The following HDAC4 variants were observed in gnomAD, a reference collection of about 807,000 sequenced individuals.
The protein encoded by HDAC4 is histone deacetylase A.
Under a neutral mutation model 135.1 loss-of-function variants are expected in HDAC4, and 16 were observed. The observed-to-expected ratio is 0.12, with a 90% CI of 0.08 to 0.18. The LOEUF (loss-of-function observed/expected upper bound fraction) is 0.18, where lower values mean the gene tolerates loss of function less well. Ranked by LOEUF, HDAC4 falls within the 10% of genes least tolerant of loss-of-function variation. The pLI is 1.00. For synonymous variants in HDAC4, 685 were observed against 653.4 expected (o/e 1.05, Z -0.74); for missense variants, 1,143 against 1,511.8 (o/e 0.76, Z 4.05).
In HDAC4 at chr2:239,109,425, G is replaced by C. The variant is rs1348196020; in HGVS notation, c.1979-1242C>G. Reference sequence around the variant, plus strand: ...GAACACAGGCAGCATCCCCAGCCAAGGGGAGCTGAGATTCAAGGTGGTCCA... The same window carrying C: ...GAACACAGGCAGCATCCCCAGCCAACGGGAGCTGAGATTCAAGGTGGTCCA... On this transcript the variant is annotated intron_variant, in intron 14 of 26. Transcript: ENST00000543185. Among the ~76,000 whole-genome samples, 4 of 152,174 alleles carry C rather than the reference G, an allele frequency of 2.6e-5. No individual in the cohort carries two copies. The South Asian group carries it at 8.3e-4, about 32-fold the overall frequency.
intron 1 of HDAC4, among the ~76,000 whole-genome samples, chr2:239,385,949 A>G (rs776616871): frequency 6.6e-6 from 1 of 152,218 alleles, no homozygotes; most frequent in African/African-American, 2.4e-5. Context: ...GCCCAGGGAC[A>G]GGAAAGCTCA....
intron 22 of HDAC4, among the ~76,000 whole-genome samples, chr2:239,071,282 G>A: frequency 6.6e-6 from 1 of 152,114 alleles, no homozygotes; most frequent in East Asian, 1.9e-4. Context: ...GGGTGTGGTG[G>A]CATGCACCTA....
chr2:239,286,971 A>G (rs2051173252), intron 2 of HDAC4, among the ~76,000 whole-genome samples: 1 of 152,180 alleles, frequency 6.6e-6, no homozygotes, highest in African/African-American at 2.4e-5. Context: ...TTCATAAAGA[A>G]AAGAGAAAGT....
At chr2:239,099,690 G>A (rs1207774515) in intron 16 of HDAC4, among the ~76,000 whole-genome samples, 1 of 152,156 alleles carries the variant, frequency 6.6e-6, no homozygotes. Context: ...GGTGCTCCCC[G>A]CCTCCGCTAG....
At chr2:239,177,443 A>G (rs1004718171) in intron 4 of HDAC4, among the ~76,000 whole-genome samples, 1 of 152,110 alleles carries the variant, frequency 6.6e-6, no homozygotes, top group Non-Finnish European at 1.5e-5. Context: ...AAACTAACGC[A>G]CAAGGATGAA....
intron 2 of HDAC4, among the ~76,000 whole-genome samples, chr2:239,252,579 G>T (rs1361866230): frequency 6.6e-6 from 1 of 152,050 alleles, no homozygotes; most frequent in East Asian, 1.9e-4. Flanking sequence ...GGAAGCTGTT[G>T]CCTCCAAGAG....
Position 239,400,571 on chromosome 2 carries a change from G to T in HDAC4, c.-220+407C>A, listed in dbSNP as rs1302500350. On this transcript the variant is annotated intron_variant, in intron 1 of 26. Transcript: ENST00000543185. This position sits in a 1 kb window ranked among gnomAD's most constrained non-coding sequence, Gnocchi z 4.7. ...TGGCCCCCGCCTCCCACGGCCGCGC[G>T]CGGGGCGGGTGTGGACCGGCGGCGT... 6.9e-6 allele frequency: 1 copy of T among 145,938 alleles called. No homozygotes were observed. The highest frequency in any genetic ancestry group is 1.5e-5 in the Non-Finnish European group (1 of 65,658). The allele number at this position is 145,938 out of a possible 1,614,324, so 9.0% of individuals were successfully genotyped here. A position where few individuals can be genotyped will look rare whatever the true frequency, so the allele number is the denominator to read the frequency against.
chr2:239,092,916 C>G (rs1440890573), intron 17 of HDAC4, among the ~76,000 whole-genome samples: 1 of 151,786 alleles, frequency 6.6e-6, no homozygotes, highest in Non-Finnish European at 1.5e-5. Context: ...TTTTCTCTCT[C>G]TTTCGCAATA....
At chr2:239,247,551 C>T (rs11680981) in intron 2 of HDAC4, among the ~76,000 whole-genome samples, 16,474 of 152,252 alleles carry the variant, frequency 0.11, 964 homozygotes, top group African/African-American at 0.12. Flanking sequence ...GCATCTGAGC[C>T]GAACAAGCTG....
intron 3 of HDAC4, among the ~76,000 whole-genome samples, chr2:239,215,552 A>C (rs1470940019): frequency 6.6e-6 from 1 of 152,204 alleles, no homozygotes; most frequent in African/African-American, 2.4e-5. Flanking sequence ...CTCAAGGCGC[A>C]GGGAGATCGA....
At chr2:239,311,253 A>G (rs1041682414) in intron 2 of HDAC4, among the ~76,000 whole-genome samples, 1 of 152,118 alleles carries the variant, frequency 6.6e-6, no homozygotes, top group Admixed American at 6.5e-5. Context: ...CAGCAGCCTG[A>G]ACTCCACGTG....
At chr2:239,284,193 C>T (rs1319889444) in intron 2 of HDAC4, among the ~76,000 whole-genome samples, 3 of 152,248 alleles carry the variant, frequency 2.0e-5, no homozygotes, top group Admixed American at 6.5e-5. Flanking sequence ...GGACTCTCCA[C>T]CAGGACAGTG....
rs559113912 is a variant in HDAC4, at chr2:239,096,385, T to A, written c.2234-1329A>T. Among the ~76,000 whole-genome samples the A allele has an allele frequency of 6.3e-3, 289 of 45,962 alleles. 2 individuals are homozygous for A. The highest frequency in any genetic ancestry group is 0.021 in the African/African-American group (261 of 12,218). The allele number at this position is 45,962 out of a possible 152,430, so 30.2% of individuals were successfully genotyped here. A position where few individuals can be genotyped will look rare whatever the true frequency, so the allele number is the denominator to read the frequency against. ...GATGCCTGCAACCCCCCCCGACACCTGCAACCTCCCCACAGACGCCTGCAC... is the reference window on the plus strand; with the variant it reads ...GATGCCTGCAACCCCCCCCGACACCAGCAACCTCCCCACAGACGCCTGCAC... On this transcript the variant is annotated intron_variant, in intron 16 of 26. Transcript: ENST00000543185.
chr2:239,303,029 C>A lies in HDAC4; in HGVS notation c.22+49649G>T, dbSNP rs147785700. ...GGGCTGGGCGTCACCCCTGCCACCT[C>A]GGGAGTCCTCAAACCCCCCCCGGGT... On this transcript the variant is annotated intron_variant, in intron 2 of 26. Coordinates refer to ENST00000543185, the MANE Select transcript of HDAC4 (RefSeq NM_001378414.1). The surrounding 1 kb of genome is among the most constrained non-coding windows in gnomAD (Gnocchi z 5.1). Among the ~76,000 whole-genome samples, 1 of 152,310 alleles carries A rather than the reference C, an allele frequency of 6.6e-6. No individual in the cohort carries two copies. Among genetic ancestry groups the A allele is most frequent in the Non-Finnish European group, 1.5e-5 (1 of 68,022 alleles).
chr2:239,398,058 G>A (rs147488754), intron 1 of HDAC4, among the ~76,000 whole-genome samples: 8 of 131,464 alleles, frequency 6.1e-5, no homozygotes, highest in African/African-American at 2.4e-4. Flanking sequence ...GGGCCCCTTC[G>A]CCCTTCAGTT....
At chr2:239,160,243 T>G (rs182642623) in intron 6 of HDAC4, among the ~76,000 whole-genome samples, 96 of 152,332 alleles carry the variant, frequency 6.3e-4, no homozygotes, top group Non-Finnish European at 1.2e-3. Context: ...CAACTTATAA[T>G]CGATATAAAC....
rs550570622 is a variant in HDAC4 at position 239,363,387 on chromosome 2, C to A, written c.-219-10469G>T. ...CTCACACTACCAAATATCAAGACTT[C>A]TTCTAAACTTGTGTAATTAAAGTAA... On this transcript the variant is annotated intron_variant, in intron 1 of 26. Coordinates refer to ENST00000543185, the MANE Select transcript of HDAC4 (RefSeq NM_001378414.1). 4.6e-5 allele frequency among the ~76,000 whole-genome samples: 7 copies of A among 152,346 alleles called. No homozygotes were observed. In the East Asian group the frequency reaches 1.3e-3, roughly 29 times the overall value.
chr2:239,163,821 T>A lies in HDAC4; in HGVS notation c.593A>T (p.Asp198Val). The A allele has an allele frequency of 6.2e-7, 1 of 1,614,042 alleles. No individual in the cohort carries two copies. Among genetic ancestry groups the A allele is most frequent in the Non-Finnish European group, 8.5e-7 (1 of 1,180,024 alleles). ...CACTTACCCGTACCAGTAGCGAGGG[T>A]CGCTGGAAATGCAGTGGTTCAGATT... is the stretch of plus-strand genomic sequence containing the variant. ...HRNLNHCISS[D>V]PRYWYGKTQH... Residue 198 changes from aspartate to valine, a missense_variant, in exon 6 of 27, where the codon GAC becomes GTC. By Grantham distance (152) the Asp-to-Val change is radical. Coordinates refer to ENST00000543185, the MANE Select transcript of HDAC4 (RefSeq NM_001378414.1).
At chr2:239,156,838 C>T (rs1354095438) in intron 6 of HDAC4, 65 bp from the exon 7 acceptor site, 53 of 1,595,206 alleles carry the variant, frequency 3.3e-5, no homozygotes, top group East Asian at 1.3e-4. Context: ...ATGCTGCAGC[C>T]GAGAAGCCAC....
Sources: allele counts gnomAD v4.1 joint callset (sites outside exome capture counted in the v4.1 genomes callset), GRCh38; gene constraint gnomAD v4.1.1; non-coding constraint Gnocchi (gnomAD v3.1); transcripts MANE v1.5; gene names NCBI Gene and HGNC (gene_info 2026-07-23, HGNC 2026-07-21).